Variants in TBC1D4 observed in about 807,000 individuals in gnomAD.
TBC1D4 encodes the protein TBC1 domain family member 4, also known as TBC (Tre-2, BUB2, CDC16) domain-containing protein.
Under a neutral mutation model 142.5 loss-of-function variants are expected in TBC1D4, and 121 were observed. The ratio of observed to expected loss-of-function variants is 0.85; its 90% CI spans 0.73 to 0.99. The LOEUF (loss-of-function observed/expected upper bound fraction) is 0.99, where lower values mean the gene tolerates loss of function less well. TBC1D4 is among the 50% of genes least tolerant of loss of function. The pLI is 0.00. For missense variants in TBC1D4, 1,475 were observed against 1,606.6 expected, an observed-to-expected ratio of 0.92 and a Z score of 1.40; for synonymous variants, 630 against 628.2, an observed-to-expected ratio of 1.00 and a Z score of -0.04.
intron 4 of TBC1D4, among the ~76,000 whole-genome samples, chr13:75,351,982 G>A (rs565155630): frequency 2.2e-4 from 34 of 152,246 alleles, no homozygotes; most frequent in Admixed American, 1.2e-3. Context: ...TTTATACTAC[G>A]TGTAAATTCT....
intron 16 of TBC1D4, 51 bp from the exon 17 acceptor site, chr13:75,299,625 A>G: frequency 1.2e-6 from 2 of 1,608,156 alleles, no homozygotes; most frequent in African/African-American, 1.3e-5. Flanking sequence ...CATGCCTTGG[A>G]GACAACAGTG....
intron 3 of TBC1D4, among the ~76,000 whole-genome samples, chr13:75,357,515 G>A (rs1337698057): frequency 3.9e-5 from 6 of 151,968 alleles, no homozygotes; most frequent in Admixed American, 1.3e-4. Context: ...CCTCAATTTG[G>A]TACAACTTGT....
chr13:75,451,774 G>T (rs1887543124), intron 1 of TBC1D4, among the ~76,000 whole-genome samples: 1 of 148,996 alleles, frequency 6.7e-6, no homozygotes, highest in African/African-American at 2.4e-5. Flanking sequence ...AAATATATTT[G>T]TAATAAATAT....
intron 1 of TBC1D4, among the ~76,000 whole-genome samples, chr13:75,385,584 T>C (rs1884120090): frequency 1.3e-5 from 2 of 152,242 alleles, no homozygotes; most frequent in Admixed American, 6.5e-5. Context: ...AATTTGAACG[T>C]GAGTATCTGG....
chr13:75,439,265 T>A (rs1462112115), intron 1 of TBC1D4, among the ~76,000 whole-genome samples: 1 of 152,212 alleles, frequency 6.6e-6, no homozygotes, highest in African/African-American at 2.4e-5. Context: ...TAAAGTTTTT[T>A]ATTCTATTTA....
At chr13:75,481,196 C>CG in intron 1 of TBC1D4, 74 bp downstream of exon 1, 123 of 1,135,072 alleles carry the variant, frequency 1.1e-4, no homozygotes, top group Middle Eastern at 3.2e-4. Flanking sequence ...AAAGTGGGGT[C>CG]CCCGCCCCTC....
Position 75,301,100 on chromosome 13 carries a change from A to C in TBC1D4, c.2911+1143T>G, listed in dbSNP as rs528359397. Among the ~76,000 whole-genome samples, 11 of 152,346 alleles carry C rather than the reference A, an allele frequency of 7.2e-5. No individual in the cohort carries two copies. In the South Asian group the frequency reaches 2.3e-3, roughly 32 times the overall value. ...CTAGTGATTTTTCATATGCCCTAAT[A>C]TAAGATGACCCCAAACATAAGGTAA... On this transcript the variant is annotated intron_variant, in intron 16 of 20. Transcript: ENST00000377636.
intron 4 of TBC1D4, among the ~76,000 whole-genome samples, chr13:75,351,278 C>T (rs1397952930): frequency 6.6e-6 from 1 of 152,056 alleles, no homozygotes; most frequent in East Asian, 1.9e-4. Context: ...CTAAGAATCA[C>T]AGGATGTGAA....
intron 1 of TBC1D4, among the ~76,000 whole-genome samples, chr13:75,385,642 A>G (rs1051915247): frequency 2.0e-5 from 3 of 152,216 alleles, no homozygotes; most frequent in Non-Finnish European, 4.4e-5. Context: ...TTACGTGTGC[A>G]CTTTCTAGAT....
chr13:75,480,119 T>A (rs1343344477), intron 1 of TBC1D4, among the ~76,000 whole-genome samples: 2 of 152,228 alleles, frequency 1.3e-5, no homozygotes, highest in Admixed American at 6.5e-5. Context: ...AAGCCTTTTG[T>A]GAAAACTGTT....
At chr13:75,345,206 T>C (rs1881047926) in intron 5 of TBC1D4, among the ~76,000 whole-genome samples, 2 of 152,196 alleles carry the variant, frequency 1.3e-5, no homozygotes, top group Admixed American at 1.3e-4. Flanking sequence ...AGCTGCTTCA[T>C]GTGTAAAAGA....
rs892918603 is a variant in TBC1D4, at chr13:75,423,516, G to A, written c.498+57754C>T. On this transcript the variant is annotated intron_variant, in intron 1 of 20. Coordinates refer to ENST00000377636, the MANE Select transcript of TBC1D4 (RefSeq NM_014832.5). Reference sequence around the variant, plus strand: ...AAAACTGGGGGAGAGGGAGTAAAAGGAAAGAGGGAGATTAAATAACAAAGT... The same window carrying A: ...AAAACTGGGGGAGAGGGAGTAAAAGAAAAGAGGGAGATTAAATAACAAAGT... Among the ~76,000 whole-genome samples the A allele has an allele frequency of 2.0e-5, 3 of 152,170 alleles. No homozygotes were observed. The East Asian group carries it at 5.8e-4, about 29-fold the overall frequency.
chr13:75,431,315 G>T (rs1001234594), intron 1 of TBC1D4, among the ~76,000 whole-genome samples: 2 of 152,086 alleles, frequency 1.3e-5, no homozygotes, highest in Non-Finnish European at 2.9e-5. Flanking sequence ...CAAGTATATG[G>T]GTGCTAGGGT....
At chr13:75,406,748 C>G (rs1162168561) in intron 1 of TBC1D4, among the ~76,000 whole-genome samples, 1 of 152,150 alleles carries the variant, frequency 6.6e-6, no homozygotes, top group Non-Finnish European at 1.5e-5. Context: ...TCCCTCCATA[C>G]CAAATTGGAA....
Position 75,324,385 on chromosome 13 carries a change from G to C in TBC1D4, c.2050C>G (p.Arg684Gly), listed in dbSNP as rs61736969. ...GAATTACTCTCCTTGTACATGCGTCGAACTGACGAAAGATTGCTGAGTACA... is the reference window on the plus strand; with the variant it reads ...GAATTACTCTCCTTGTACATGCGTCCAACTGACGAAAGATTGCTGAGTACA... Reference protein sequence around the residue: ...SEQCSNLSSVRRMYKESNSSS... With the variant: ...SEQCSNLSSVGRMYKESNSSS... The change falls in exon 11 of 21, where the codon CGA (arginine) becomes GGA (glycine). Residue 684 changes from arginine to glycine, a missense_variant. Arg to Gly is a moderately radical substitution (Grantham distance 125, BLOSUM62 -2). Coordinates refer to ENST00000377636, the MANE Select transcript of TBC1D4 (RefSeq NM_014832.5). 2,127 of 1,613,834 alleles carry C rather than the reference G, an allele frequency of 1.3e-3. 30 individuals carry two copies. In the African/African-American group the frequency reaches 0.026, roughly 20 times the overall value.
Position 75,312,822 on chromosome 13 carries a change from G to A in TBC1D4, c.2299C>T (p.Pro767Ser). The A allele has an allele frequency of 1.2e-6, 2 of 1,614,206 alleles. No individual in the cohort carries two copies. The highest frequency in any genetic ancestry group is 1.7e-5 in the Admixed American group (1 of 60,032). ...CGCTGCCGCCAGGAGATCCGGCGAG[G>A]AGTGACAGAGGTTCCTCCCACACTT... ...SLSVGGTSVT[P>S]RRISWRQRIF... Residue 767 changes from proline (P) to serine (S), a missense_variant, in exon 13 of 21, where the codon CCT becomes TCT. Physicochemically the swap from Pro to Ser is moderately conservative, Grantham distance 74 (BLOSUM62 -1). Transcript: ENST00000377636.
intron 12 of TBC1D4, among the ~76,000 whole-genome samples, chr13:75,315,202 G>C (rs1878174964): frequency 6.6e-6 from 1 of 151,624 alleles, no homozygotes; most frequent in Non-Finnish European, 1.5e-5. Flanking sequence ...CAGCTACTCA[G>C]GAGGCTGAGG....
intron 1 of TBC1D4, among the ~76,000 whole-genome samples, chr13:75,366,520 A>G (rs577135682): frequency 6.6e-6 from 1 of 152,330 alleles, no homozygotes; most frequent in African/African-American, 2.4e-5. Context: ...TTCCATTAAC[A>G]CACAGGAATC....
chr13:75,474,252 A>C (rs1888535965), intron 1 of TBC1D4, among the ~76,000 whole-genome samples: 1 of 152,340 alleles, frequency 6.6e-6, no homozygotes, highest in South Asian at 2.1e-4. Context: ...CAATAACTGC[A>C]TTCTAGTGTA....
Sources: allele counts gnomAD v4.1 joint callset (sites outside exome capture counted in the v4.1 genomes callset), GRCh38; gene constraint gnomAD v4.1.1; transcripts MANE v1.5; gene names NCBI Gene and HGNC (gene_info 2026-07-23, HGNC 2026-07-21).